The following CCDC178 variants were observed in gnomAD, a reference collection of about 807,000 sequenced individuals.
The protein encoded by CCDC178 is coiled-coil domain-containing protein 178.
In CCDC178, 126 loss-of-function variants were observed where a neutral mutation model predicts 117.4. The observed-to-expected ratio is 1.07, with a 90% CI of 0.93 to 1.24. The LOEUF is 1.24. Among genes scored for constraint, CCDC178 ranks in the 50% most tolerant of loss-of-function variants. The probability of loss-of-function intolerance (pLI) is 0.00; values close to 1 mark genes in which losing one functional copy is unlikely to be tolerated. For missense variants in CCDC178, 1,030 were observed against 986.9 expected (o/e 1.04, Z -0.59); for synonymous variants, 283 against 313.4 (o/e 0.90, Z 1.02).
intron 21 of CCDC178, among the ~76,000 whole-genome samples, chr18:33,033,719 CCT>C (rs113336563): frequency 8.6e-4 from 131 of 152,032 alleles, no homozygotes; most frequent in African/African-American, 3.0e-3. Flanking sequence ...TCATCTTTTC[CCT>C]GTTTGTATTT....
intron 11 of CCDC178, among the ~76,000 whole-genome samples, chr18:33,301,838 G>T (rs2062181208): frequency 6.6e-6 from 1 of 152,206 alleles, no homozygotes. Flanking sequence ...ATGAGTCTCA[G>T]ATGAGACTTA....
intron 11 of CCDC178, among the ~76,000 whole-genome samples, chr18:33,318,015 G>A (rs917834802): frequency 6.6e-6 from 1 of 152,078 alleles, no homozygotes; most frequent in Non-Finnish European, 1.5e-5. Context: ...GGCATAGGAG[G>A]ACAAAAATGA....
Position 33,248,270 on chromosome 18 carries a change from T to A in CCDC178, c.1410-2842A>T, listed in dbSNP as rs569646867. 1.3e-4 allele frequency among the ~76,000 whole-genome samples: 20 copies of A among 151,978 alleles called. No individual in the cohort carries two copies. The East Asian group carries it at 3.3e-3, about 25-fold the overall frequency. On this transcript the variant is annotated intron_variant, in intron 14 of 22. Coordinates refer to ENST00000383096, the MANE Select transcript of CCDC178 (RefSeq NM_001105528.4). ...AAAATTTACCAGAAAGCCTTTATTT[T>A]TTTTTATTTTTATTTTTTATACTTT...
At chr18:33,226,459 G>A (rs564112518) in intron 16 of CCDC178, among the ~76,000 whole-genome samples, 6 of 152,260 alleles carry the variant, frequency 3.9e-5, no homozygotes, top group Non-Finnish European at 8.8e-5. Context: ...ACAAATCCAA[G>A]TGAAAGACAC....
chr18:33,043,124 T>C (rs1457774060), intron 21 of CCDC178, among the ~76,000 whole-genome samples: 2 of 152,132 alleles, frequency 1.3e-5, no homozygotes. Context: ...AAGACTACAA[T>C]CAAGTTATAA....
intron 12 of CCDC178, among the ~76,000 whole-genome samples, chr18:33,272,690 T>C (rs991251257): frequency 4.6e-5 from 7 of 151,552 alleles, no homozygotes; most frequent in African/African-American, 1.2e-4. Context: ...GAAAGGATTA[T>C]AGACCACGAT....
At chr18:33,264,866 G>A (rs558234123) in intron 14 of CCDC178, among the ~76,000 whole-genome samples, 1 of 152,168 alleles carries the variant, frequency 6.6e-6, no homozygotes, top group African/African-American at 2.4e-5. Flanking sequence ...ATGTGAGTGA[G>A]AAATCAACCT....
intron 12 of CCDC178, among the ~76,000 whole-genome samples, chr18:33,283,910 T>C (rs878919759): frequency 6.6e-6 from 1 of 152,228 alleles, no homozygotes; most frequent in Non-Finnish European, 1.5e-5. Flanking sequence ...ACTGGGTACA[T>C]ACCCAAAGGA....
chr18:33,147,983 G>A (rs1052466282), intron 20 of CCDC178, among the ~76,000 whole-genome samples: 101 of 149,742 alleles, frequency 6.7e-4, no homozygotes, highest in African/African-American at 2.2e-3. Context: ...GGCGGCGGCC[G>A]GGCAGGGGCT....
intron 20 of CCDC178, among the ~76,000 whole-genome samples, chr18:33,204,191 T>G (rs1460061724): frequency 6.6e-6 from 1 of 152,094 alleles, no homozygotes; most frequent in South Asian, 2.1e-4. Context: ...GAACAAAAGT[T>G]TCCCAAACTC....
chr18:33,083,137 GTAT>G (rs1378095901), intron 21 of CCDC178, among the ~76,000 whole-genome samples: 1 of 152,152 alleles, frequency 6.6e-6, no homozygotes, highest in Non-Finnish European at 1.5e-5. Flanking sequence ...CAGAAAAGCT[GTAT>G]CAAGTAGATT....
chr18:33,266,281 T>C (rs2144764871), intron 14 of CCDC178, among the ~76,000 whole-genome samples: 1 of 152,106 alleles, frequency 6.6e-6, no homozygotes, highest in East Asian at 1.9e-4. Flanking sequence ...AGCATATCCA[T>C]GCTGTGTATG....
rs2057792281 is a variant in CCDC178 at position 33,112,173 on chromosome 18, A to T, written c.2239-19263T>A. On this transcript the variant is annotated intron_variant, in intron 20 of 22. Transcript: ENST00000383096. ...TTCTTATTTTCAATAAGAAAAAATC[A>T]TAGTTTTTTATATAGTTTTATTCTA... Among the ~76,000 whole-genome samples the T allele has an allele frequency of 3.3e-5, 5 of 151,862 alleles. No homozygotes were observed. The South Asian group carries it at 1.0e-3, about 31-fold the overall frequency.
chr18:33,237,389 G>A (rs1023198919), intron 15 of CCDC178, among the ~76,000 whole-genome samples: 3 of 152,024 alleles, frequency 2.0e-5, no homozygotes, highest in Non-Finnish European at 4.4e-5. Flanking sequence ...AAAGGTCCCC[G>A]AGCCAATAAA....
At position 33,288,187 on chromosome 18, in the gene CCDC178, C is replaced by T. The variant is rs560616168; in HGVS notation, c.1176+4972G>A. Among the ~76,000 whole-genome samples the T allele has an allele frequency of 2.4e-4, 37 of 151,826 alleles. 1 individual carries two copies. In the South Asian group the frequency reaches 7.3e-3, roughly 30 times the overall value. On this transcript the variant is annotated intron_variant, in intron 12 of 22. Coordinates refer to ENST00000383096, the MANE Select transcript of CCDC178 (RefSeq NM_001105528.4). ...ACAAGGTGTAGGATTTCCCCTCTTCCCATTTACCTTTACTTCCCTACCTCC... is the reference window on the plus strand; with the variant it reads ...ACAAGGTGTAGGATTTCCCCTCTTCTCATTTACCTTTACTTCCCTACCTCC...
chr18:32,994,826 T>C (rs1279146762), intron 21 of CCDC178, among the ~76,000 whole-genome samples: 1 of 152,204 alleles, frequency 6.6e-6, no homozygotes, highest in Non-Finnish European at 1.5e-5. Flanking sequence ...ATTATCCATG[T>C]CTGCCACAGG....
At chr18:33,413,033 G>T (rs1461762297) in intron 2 of CCDC178, among the ~76,000 whole-genome samples, 1 of 151,982 alleles carries the variant, frequency 6.6e-6, no homozygotes, top group Non-Finnish European at 1.5e-5. Flanking sequence ...CTGCAAATTG[G>T]TATTAATTAG....
At chr18:33,033,949 G>GTA (rs912128394) in intron 21 of CCDC178, among the ~76,000 whole-genome samples, 10 of 151,602 alleles carry the variant, frequency 6.6e-5, no homozygotes, top group African/African-American at 2.2e-4. Flanking sequence ...ATATATATGT[G>GTA]TATATATATA....
At chr18:32,979,875 T>C (rs2055111395) in intron 21 of CCDC178, among the ~76,000 whole-genome samples, 1 of 152,148 alleles carries the variant, frequency 6.6e-6, no homozygotes, top group African/African-American at 2.4e-5. Context: ...AAAGAGAGCA[T>C]TTGATCAGCA....
Sources: allele counts gnomAD v4.1 joint callset (sites outside exome capture counted in the v4.1 genomes callset), GRCh38; gene constraint gnomAD v4.1.1; transcripts MANE v1.5; gene names NCBI Gene and HGNC (gene_info 2026-07-23, HGNC 2026-07-21).